CLEC1A: variants seen among roughly 807,000 people sequenced by gnomAD.
CLEC1A encodes C-type lectin-like receptor-1.
A neutral mutation model predicts 28.7 loss-of-function variants in CLEC1A; 34 were observed. The observed-to-expected ratio is 1.18, with a 90% confidence interval of 0.90 to 1.57. CLEC1A has a LOEUF of 1.57. Among genes scored for constraint, CLEC1A ranks in the 40% most tolerant of loss-of-function variants. CLEC1A has a pLI of 0.00. For missense variants in CLEC1A, 385 were observed against 339.5 expected, an observed-to-expected ratio of 1.13 and a Z score of -1.05; for synonymous variants, 116 against 121.0, an observed-to-expected ratio of 0.96 and a Z score of 0.27.
chr12:10,087,204 C>CAAAAAAAA (rs59407880), intron 2 of CLEC1A, among the ~76,000 whole-genome samples: 5 of 75,982 alleles, frequency 6.6e-5, no homozygotes, highest in South Asian at 5.6e-4. Flanking sequence ...GACTCCATCT[C>CAAAAAAAA]AAAAAAAAAA....
chr12:10,081,311 T>C lies in CLEC1A; in HGVS notation c.317A>G (p.Gln106Arg), dbSNP rs764426015. 46 of 1,613,420 alleles carry C rather than the reference T, an allele frequency of 2.9e-5. No homozygotes were observed. Among genetic ancestry groups the C allele is most frequent in the Non-Finnish European group, 3.9e-5 (46 of 1,179,710 alleles). Residue 106 changes from glutamine (Q) to arginine (R), a missense_variant, in exon 3 of 6, where the codon CAG (glutamine) becomes CGG (arginine). Coordinates refer to ENST00000315330, the MANE Select transcript of CLEC1A (RefSeq NM_016511.4). ...CAGACTTCCTGCAAGCTTTATATTC[T>C]GGACTTGAAGAGATTGCAACTCTTG... ...TSQELQSLQV[Q>R]NIKLAGSLQH... is the part of the protein sequence containing the mutation.
Position 10,098,889 on chromosome 12 carries a change from G to C in CLEC1A, c.34C>G (p.Leu12Val). ...QAKYSSTRDMLDDDGDTTMSL... is the reference protein window; with the variant it reads ...QAKYSSTRDMVDDDGDTTMSL... The stretch of plus-strand genomic sequence containing the variant: ...ATGGTGGTGTCCCCATCATCATCCA[G>C]CATGTCCCTCGTGCTGCTGTACTTG... Residue 12 changes from leucine to valine, a missense_variant, in exon 1 of 6, where the codon CTG (leucine) becomes GTG (valine). Physicochemically the swap from Leu to Val is conservative, Grantham distance 32. Transcript: ENST00000315330. 6.2e-7 allele frequency: 1 copy of C among 1,613,596 alleles called. No homozygotes were observed. The highest frequency in any genetic ancestry group is 2.2e-5 in the East Asian group (1 of 44,882).
intron 2 of CLEC1A, among the ~76,000 whole-genome samples, chr12:10,082,390 G>C (rs1866390949): frequency 6.6e-6 from 1 of 152,040 alleles, no homozygotes; most frequent in Non-Finnish European, 1.5e-5. Flanking sequence ...GTGGGAGCTG[G>C]GTAAGGCCTA....
Position 10,071,445 on chromosome 12 carries a change from A to C in CLEC1A, c.731T>G (p.Ile244Ser), listed in dbSNP as rs763327379. ...CAATTCTTTGCAGTCCTTTGAGAAG[A>C]TCATCCCATTAAGGATGGCCACACA... ...RDCVAILNGM[I>S]FSKDCKELKR... is the part of the protein sequence containing the mutation. Residue 244 changes from isoleucine to serine, a missense_variant, in exon 6 of 6, where the codon ATC (isoleucine) becomes AGC (serine). By Grantham distance (142) the Ile-to-Ser change is moderately radical. Coordinates refer to ENST00000315330, the MANE Select transcript of CLEC1A (RefSeq NM_016511.4). 5 of 1,613,806 alleles carry C rather than the reference A, an allele frequency of 3.1e-6. No individual in the cohort carries two copies. Among genetic ancestry groups the C allele is most frequent in the Non-Finnish European group, 4.2e-6 (5 of 1,179,842 alleles).
At chr12:10,093,492 G>A (rs914563683) in intron 1 of CLEC1A, among the ~76,000 whole-genome samples, 10 of 151,796 alleles carry the variant, frequency 6.6e-5, no homozygotes, top group Middle Eastern at 3.4e-3. Flanking sequence ...CTTTGTGGGT[G>A]GAGAGTTGTC....
chr12:10,082,928 A>G (rs769104005), intron 2 of CLEC1A, among the ~76,000 whole-genome samples: 9 of 152,192 alleles, frequency 5.9e-5, no homozygotes, highest in African/African-American at 9.7e-5. Flanking sequence ...CACACTAAAC[A>G]TATCTACAAC....
chr12:10,093,879 C>T (rs1169652840), intron 1 of CLEC1A, among the ~76,000 whole-genome samples: 1 of 152,114 alleles, frequency 6.6e-6, no homozygotes, highest in Middle Eastern at 3.2e-3. Flanking sequence ...GAAACTTCCT[C>T]ATGGGAATCT....
At chr12:10,078,013 C>T (rs564119865) in intron 3 of CLEC1A, among the ~76,000 whole-genome samples, 1 of 152,278 alleles carries the variant, frequency 6.6e-6, no homozygotes, top group Non-Finnish European at 1.5e-5. Flanking sequence ...TTTCATTTCT[C>T]ACACATCAAT....
intron 2 of CLEC1A, among the ~76,000 whole-genome samples, chr12:10,087,475 TATATATATATATA>T (rs1866521680): frequency 2.1e-3 from 3 of 1,412 alleles, no homozygotes; most frequent in Non-Finnish European, 0.022. Context: ...CTCAAAGTTA[TATATATATATATA>T]TATATATATA....
chr12:10,073,359 C>A lies in CLEC1A; in HGVS notation c.596G>T (p.Gly199Val). The A allele has an allele frequency of 1.2e-6, 2 of 1,614,056 alleles. No homozygotes were observed. Among genetic ancestry groups the A allele is most frequent in the Non-Finnish European group, 1.7e-6 (2 of 1,179,958 alleles). The change falls in exon 5 of 6, where the codon GGG (glycine) becomes GTG (valine). Residue 199 changes from glycine to valine, a missense_variant. Transcript: ENST00000315330. ...YSEFFYSYWT[G>V]LLRPDSGKAW... Reference sequence around the variant, plus strand: ...CTTGCCACTGTCAGGGCGCAAAAGCCCTGTCCAATAAGAGTAGAAAAACTC... The same window carrying A: ...CTTGCCACTGTCAGGGCGCAAAAGCACTGTCCAATAAGAGTAGAAAAACTC...
At chr12:10,085,238 CACACAA>C (rs996897618) in intron 2 of CLEC1A, among the ~76,000 whole-genome samples, 7 of 144,260 alleles carry the variant, frequency 4.9e-5, no homozygotes, top group African/African-American at 1.9e-4. Context: ...CACACACACA[CACACAA>C]TAAAACAAGG....
chr12:10,094,375 CAATAGTTACT>C (rs1185312175), intron 1 of CLEC1A, among the ~76,000 whole-genome samples: 38 of 151,962 alleles, frequency 2.5e-4, no homozygotes, highest in African/African-American at 8.9e-4. Context: ...CTACTATTAG[CAATAGTTACT>C]AATGAACTAT....
At chr12:10,089,634 A>G (rs1866571792) in intron 1 of CLEC1A, among the ~76,000 whole-genome samples, 1 of 152,176 alleles carries the variant, frequency 6.6e-6, no homozygotes, top group Admixed American at 6.5e-5. Flanking sequence ...AATCAGGGGA[A>G]AGATGAAATT....
chr12:10,096,684 C>T (rs150138410), intron 1 of CLEC1A, among the ~76,000 whole-genome samples: 1 of 152,272 alleles, frequency 6.6e-6, no homozygotes, highest in Non-Finnish European at 1.5e-5. Flanking sequence ...CAACTCTACA[C>T]CTACGCCATA....
At chr12:10,071,695 A>G (rs977544568) in intron 5 of CLEC1A, among the ~76,000 whole-genome samples, 182 bp from the exon 6 acceptor site, 1 of 152,220 alleles carries the variant, frequency 6.6e-6, no homozygotes. Context: ...TCTTAGAAAC[A>G]GCAGGTCACC....
At chr12:10,075,777 AC>A (rs1866240257) in intron 3 of CLEC1A, 122 bp from the exon 4 acceptor site, 2 of 815,882 alleles carry the variant, frequency 2.5e-6, no homozygotes, top group Admixed American at 2.7e-5. Context: ...TTAATTAATT[AC>A]CCAGGCAATG....
rs1204027439 is a variant in CLEC1A at position 10,071,485 on chromosome 12, G to A, written c.691C>T (p.Pro231Ser). 23 of 1,611,472 alleles carry A rather than the reference G, an allele frequency of 1.4e-5. No individual in the cohort carries two copies. The highest frequency in any genetic ancestry group is 2.0e-5 in the Non-Finnish European group (23 of 1,178,682). The change falls in exon 6 of 6, where the codon CCA becomes TCA. Residue 231 changes from proline to serine, a missense_variant. By Grantham distance (74) the Pro-to-Ser change is moderately conservative (BLOSUM62 -1). Coordinates refer to ENST00000315330, the MANE Select transcript of CLEC1A (RefSeq NM_016511.4). ...LFHIIIDVTS[P>S]RSRDCVAILN... ...ATGGCCACACAGTCTCTGCTTCTTGGGCTGGTGACATCTATTATAATATGG... is the reference window on the plus strand; with the variant it reads ...ATGGCCACACAGTCTCTGCTTCTTGAGCTGGTGACATCTATTATAATATGG...
At chr12:10,093,080 A>AT (rs1164446258) in intron 1 of CLEC1A, among the ~76,000 whole-genome samples, 1 of 151,890 alleles carries the variant, frequency 6.6e-6, no homozygotes, top group Non-Finnish European at 1.5e-5. Context: ...CTTTGATACT[A>AT]TTTTTCCTTC....
intron 2 of CLEC1A, among the ~76,000 whole-genome samples, chr12:10,084,003 GAA>G (rs71049041): frequency 0.041 from 6,093 of 150,346 alleles, 391 homozygotes; most frequent in African/African-American, 0.14. Flanking sequence ...AAAGATAATA[GAA>G]AAAAAAAAAT....
Sources: gnomAD v4.1 joint callset for allele counts (sites outside exome capture counted in the v4.1 genomes callset) on GRCh38, gnomAD v4.1.1 for gene constraint, MANE v1.5 for transcripts, NCBI Gene and HGNC (gene_info 2026-07-23, HGNC 2026-07-21) for gene names.